PRKCH: variants seen among roughly 807,000 people sequenced by gnomAD.
The protein encoded by PRKCH is protein kinase C eta.
Under a neutral mutation model 82.5 loss-of-function variants are expected in PRKCH, and 28 were observed. The ratio of observed to expected loss-of-function variants is 0.34; its 90% confidence interval spans 0.25 to 0.47. PRKCH has a LOEUF of 0.47. Among genes scored for constraint, PRKCH ranks in the 20% least tolerant of loss-of-function variants. The pLI is 1.00. For synonymous variants in PRKCH, 322 were observed against 327.4 expected (o/e 0.98, Z 0.18); for missense variants, 705 against 881.8 (o/e 0.80, Z 2.54).
chr14:61,411,253 G>A (rs546543599), intron 2 of PRKCH, among the ~76,000 whole-genome samples: 49 of 152,306 alleles, frequency 3.2e-4, no homozygotes, highest in African/African-American at 1.2e-3. Context: ...GACCAAGATA[G>A]GAATGGTGTC....
chr14:61,401,968 AG>A (rs1881647766), intron 2 of PRKCH, among the ~76,000 whole-genome samples: 1 of 152,256 alleles, frequency 6.6e-6, no homozygotes, highest in African/African-American at 2.4e-5. Flanking sequence ...CTGTTACTTC[AG>A]GGAAAACAAC....
Position 61,550,004 on chromosome 14 carries a change from C to T in PRKCH, c.*173C>T, listed in dbSNP as rs1305871341. On this transcript the variant is annotated 3_prime_UTR_variant, in exon 14 of 14. Transcript: ENST00000332981. ...CTTTCAGATATCAACTATTTAGAGTCCAGAGGGAGCCATGGCACTAGAAAT... is the reference window on the plus strand; with the variant it reads ...CTTTCAGATATCAACTATTTAGAGTTCAGAGGGAGCCATGGCACTAGAAAT... The T allele has an allele frequency of 3.2e-6, 2 of 616,994 alleles. No individual in the cohort carries two copies. Among genetic ancestry groups the T allele is most frequent in the Non-Finnish European group, 5.4e-6 (2 of 370,076 alleles). The allele number at this position is 616,994 out of a possible 1,614,324, so 38.2% of individuals were successfully genotyped here.
At chr14:61,549,269 G>A (rs1382707155) in intron 13 of PRKCH, among the ~76,000 whole-genome samples, 2 of 152,216 alleles carry the variant, frequency 1.3e-5, no homozygotes, top group Admixed American at 6.5e-5. Context: ...CTAGAACTCT[G>A]CGCAAACAAT....
At chr14:61,350,650 T>A (rs2046060963) in intron 1 of PRKCH, among the ~76,000 whole-genome samples, 2 of 152,130 alleles carry the variant, frequency 1.3e-5, no homozygotes, top group Non-Finnish European at 2.9e-5. Flanking sequence ...GTCATAACAC[T>A]TTTTTGTCTG....
At chr14:61,368,641 T>A (rs565286354) in intron 1 of PRKCH, among the ~76,000 whole-genome samples, 1 of 152,228 alleles carries the variant, frequency 6.6e-6, no homozygotes, top group Non-Finnish European at 1.5e-5. Flanking sequence ...GATCACCTCC[T>A]CTCTTACAGA....
rs140652605 is a variant in PRKCH at position 61,369,752 on chromosome 14, C to T, written c.364-21473C>T. ...AATGCATTAGTTATGGGAGTAGATT[C>T]CCCAGAAGAATTATATTATTAATAG... is the stretch of plus-strand genomic sequence containing the variant. On this transcript the variant is annotated intron_variant, in intron 1 of 13. Transcript: ENST00000332981. 1.9e-4 allele frequency among the ~76,000 whole-genome samples: 29 copies of T among 151,824 alleles called. 1 individual carries two copies. The East Asian group carries it at 5.0e-3, about 26-fold the overall frequency.
At chr14:61,199,287 T>A (rs749121048) in intron 1 of PRKCH, among the ~76,000 whole-genome samples, 1 of 152,202 alleles carries the variant, frequency 6.6e-6, no homozygotes, top group Non-Finnish European at 1.5e-5. Flanking sequence ...CCCCTGGGTG[T>A]CTGATTTACT....
intron 10 of PRKCH, among the ~76,000 whole-genome samples, chr14:61,516,474 G>A (rs147655617): frequency 3.9e-4 from 59 of 152,236 alleles, no homozygotes; most frequent in Admixed American, 3.7e-3. Context: ...ATTTAATAAT[G>A]ACTTTTATTA....
chr14:61,526,956 G>T (rs2042973197), intron 10 of PRKCH, among the ~76,000 whole-genome samples: 1 of 152,228 alleles, frequency 6.6e-6, no homozygotes, highest in Admixed American at 6.5e-5. Flanking sequence ...AAGTGTAAAT[G>T]TCTCACCCAA....
At chr14:61,441,646 T>A (rs1883978664) in intron 2 of PRKCH, among the ~76,000 whole-genome samples, 2 of 152,162 alleles carry the variant, frequency 1.3e-5, no homozygotes, top group Admixed American at 1.3e-4. Flanking sequence ...TTGATTTCTG[T>A]GTATTATAAA....
At chr14:61,537,125 G>A (rs1262828279) in intron 12 of PRKCH, among the ~76,000 whole-genome samples, 4 of 152,136 alleles carry the variant, frequency 2.6e-5, no homozygotes, top group African/African-American at 9.7e-5. Context: ...GGCACACTGG[G>A]AAGACTATTT....
At chr14:61,261,991 G>C (rs918691190) in intron 1 of PRKCH, among the ~76,000 whole-genome samples, 5 of 152,012 alleles carry the variant, frequency 3.3e-5, no homozygotes, top group African/African-American at 1.2e-4. Flanking sequence ...GGAGGCCGAG[G>C]CGGGCAAATC....
chr14:61,420,340 G>C (rs1882770585), intron 2 of PRKCH, among the ~76,000 whole-genome samples: 1 of 152,118 alleles, frequency 6.6e-6, no homozygotes, highest in African/African-American at 2.4e-5. Flanking sequence ...TCCTCCCTTA[G>C]AATGATGAAA....
chr14:61,274,003 A>T (rs115201534), intron 1 of PRKCH, among the ~76,000 whole-genome samples: 14 of 152,358 alleles, frequency 9.2e-5, no homozygotes, highest in African/African-American at 2.9e-4. Flanking sequence ...TAGCAGCCTG[A>T]ATATGGAGAT....
chr14:61,323,720 T>C (rs1173591312), intron 1 of PRKCH, among the ~76,000 whole-genome samples: 1 of 152,258 alleles, frequency 6.6e-6, no homozygotes, highest in African/African-American at 2.4e-5. Context: ...TTATATTGAG[T>C]TAATTTCCCT....
At chr14:61,298,736 C>G (rs2140102726) in intron 1 of PRKCH, 1 of 152,098 alleles carries the variant, frequency 6.6e-6, no homozygotes, top group South Asian at 2.1e-4. Context: ...TTTGTTTTTA[C>G]CAAAACTCTT....
At chr14:61,359,688 A>G (rs1203179770) in intron 1 of PRKCH, among the ~76,000 whole-genome samples, 1 of 152,184 alleles carries the variant, frequency 6.6e-6, no homozygotes, top group Non-Finnish European at 1.5e-5. Context: ...TAAAAGAGTG[A>G]TGGCTGAACA....
intron 10 of PRKCH, among the ~76,000 whole-genome samples, chr14:61,512,214 C>T (rs1192252685): frequency 2.0e-5 from 3 of 147,858 alleles, no homozygotes; most frequent in South Asian, 2.2e-4. Context: ...ATTTCATATA[C>T]TACATCCTGA....
chr14:61,189,391 C>T (rs1028320756), intron 1 of PRKCH, among the ~76,000 whole-genome samples: 50 of 132,458 alleles, frequency 3.8e-4, no homozygotes, highest in Non-Finnish European at 6.4e-5. Context: ...AAGTGTGCCC[C>T]GACTCTGTAA....
Sources: gnomAD v4.1 joint callset for allele counts (sites outside exome capture counted in the v4.1 genomes callset) on GRCh38, gnomAD v4.1.1 for gene constraint, MANE v1.5 for transcripts, NCBI Gene and HGNC (gene_info 2026-07-23, HGNC 2026-07-21) for gene names.